PROZ: variants seen among roughly 807,000 people sequenced by gnomAD.
PROZ encodes protein Z, vitamin K dependent plasma glycoprotein.
Under a neutral mutation model 34.9 loss-of-function variants are expected in PROZ, and 46 were observed. That is an observed-to-expected ratio of 1.32 (90% confidence interval 1.04 to 1.69). The LOEUF is 1.69. PROZ is among the 40% of genes most tolerant of loss of function. The pLI is 0.00. For synonymous variants in PROZ, 195 were observed against 208.5 expected (o/e 0.94, Z 0.56); for missense variants, 530 against 520.4 (o/e 1.02, Z -0.18).
chr13:113,171,462 C>A lies in PROZ; in HGVS notation c.692-132C>A. 9.1e-7 allele frequency: 1 copy of A among 1,093,110 alleles called. No individual in the cohort carries two copies. Among genetic ancestry groups the A allele is most frequent in the Non-Finnish European group, 1.3e-6 (1 of 748,604 alleles). 67.7% of individuals were successfully genotyped at this position (1,093,110 alleles called of 1,614,324 possible). ...GCAGAAAGGCACAGTGTCCACACCACGGGGCGGTGAGCCTGCGGGTCCTCC... is the reference window on the plus strand; with the variant it reads ...GCAGAAAGGCACAGTGTCCACACCAAGGGGCGGTGAGCCTGCGGGTCCTCC... On this transcript the variant is annotated intron_variant, in intron 7 of 7. Transcript: ENST00000375547. This position sits in a 1 kb window ranked among gnomAD's most constrained non-coding sequence, Gnocchi z 5.1.
At chr13:113,162,905 C>T (rs1301491006) in intron 3 of PROZ, 104 bp from the exon 4 acceptor site, 3 of 544,686 alleles carry the variant, frequency 5.5e-6, no homozygotes, top group Admixed American at 5.2e-5. Context: ...CCCACTCCAT[C>T]CTCCTCCTGC....
Position 113,163,108 on chromosome 13 carries a change from G to A in PROZ, c.359G>A (p.Ser120Asn). 1 of 1,553,312 alleles carries A rather than the reference G, an allele frequency of 6.4e-7. No individual in the cohort carries two copies. The highest frequency in any genetic ancestry group is 2.4e-5 in the East Asian group (1 of 41,172). ...TCTCSPGYEG[S>N]NCELAKNECH... is the part of the protein sequence containing the mutation. ...ACCTGCTCCCCCGGCTATGAGGGCA[G>A]CAACTGCGAGCTGGGTGAGGCCCCG... Residue 120 changes from serine to asparagine, a missense_variant, in exon 4 of 8, where the codon AGC becomes AAC. Coordinates refer to ENST00000375547, the MANE Select transcript of PROZ (RefSeq NM_003891.3).
In PROZ at chr13:113,160,098, G is replaced by T; in HGVS notation, c.155G>T (p.Gly52Val). ...TATCTTCTGGAAGAACTCTTCGAGG[G>T]AAACTTGGAAAAAGAATGTTATGAA... ...GSYLLEELFE[G>V]NLEKECYEEI... Residue 52 changes from glycine (G) to valine (V), a missense_variant, in exon 2 of 8, where the codon GGA becomes GTA. Transcript: ENST00000375547. 6.2e-7 allele frequency: 1 copy of T among 1,614,146 alleles called. No individual in the cohort carries two copies. The highest frequency in any genetic ancestry group is 1.7e-5 in the Admixed American group (1 of 60,032).
chr13:113,159,109 G>A lies in PROZ; in HGVS notation c.70+379G>A. On this transcript the variant is annotated intron_variant, in intron 1 of 7. Coordinates refer to ENST00000375547, the MANE Select transcript of PROZ (RefSeq NM_003891.3). This position sits in a 1 kb window ranked among gnomAD's most constrained non-coding sequence, Gnocchi z 4.6. The stretch of plus-strand genomic sequence containing the variant: ...CTGCAATGTGGGCAGAGAGAGCCTT[G>A]GCCAGGCCAGCCAGGAATGCCCAGT... The A allele has an allele frequency of 9.3e-7, 1 of 1,073,736 alleles. No homozygotes were observed. Among genetic ancestry groups the A allele is most frequent in the East Asian group, 2.6e-5 (1 of 38,634 alleles). The allele number at this position is 1,073,736 out of a possible 1,614,324, so 66.5% of individuals were successfully genotyped here.
intron 4 of PROZ, among the ~76,000 whole-genome samples, chr13:113,163,587 A>G (rs1209550745): frequency 6.6e-6 from 1 of 152,128 alleles, no homozygotes; most frequent in East Asian, 1.9e-4. Flanking sequence ...CCACTGGTCA[A>G]CTTGGAGCCC....
intron 5 of PROZ, 188 bp from the exon 6 acceptor site, chr13:113,164,865 T>A: frequency 1.1e-6 from 1 of 932,416 alleles, no homozygotes. Context: ...AAACCATGAG[T>A]GCTGTGAGGG....
intron 4 of PROZ, 69 bp downstream of exon 4, chr13:113,163,191 A>G (rs2036797406): frequency 1.6e-6 from 2 of 1,287,484 alleles, no homozygotes; most frequent in South Asian, 2.5e-5. Context: ...CCTCGGCCAG[A>G]GTCCCAATGG....
At position 113,171,947 on chromosome 13, in the gene PROZ, ATGCAC is replaced by A; in HGVS notation, c.1048_1052del (p.His350AspfsTer45). ...CTGTGAGAGAAGCAGCGTGGCGGCC[ATGCAC>A]TGGATGGATGGAAGTGTGGTCACCA... On this transcript the variant is annotated frameshift_variant, in exon 8 of 8. Coordinates refer to ENST00000375547, the MANE Select transcript of PROZ (RefSeq NM_003891.3). LOFTEE classifies it low-confidence loss of function (END_TRUNC). This position sits in a 1 kb window ranked among gnomAD's most constrained non-coding sequence, Gnocchi z 5.1. 6.2e-7 allele frequency: 1 copy of A among 1,613,676 alleles called. No individual in the cohort carries two copies. Among genetic ancestry groups the A allele is most frequent in the Non-Finnish European group, 8.5e-7 (1 of 1,180,032 alleles).
chr13:113,166,550 A>T (rs1390596953), intron 6 of PROZ: 2 of 152,208 alleles, frequency 1.3e-5, no homozygotes, highest in African/African-American at 4.8e-5. Flanking sequence ...AACAGGATGG[A>T]GCTCAAGGAC....
chr13:113,171,878 G>A lies in PROZ; in HGVS notation c.976G>A (p.Glu326Lys). ...GCCTGTCACACTTGTGGAGGGGGAG[G>A]AGTGCGGGCAGGTCCTGAATGTGAC... Reference protein sequence around the residue: ...TRPVTLVEGEECGQVLNVTVT... With the variant: ...TRPVTLVEGEKCGQVLNVTVT... Residue 326 changes from glutamate (E) to lysine (K), a missense_variant, in exon 8 of 8, where the codon GAG becomes AAG. Physicochemically the swap from Glu to Lys is moderately conservative, Grantham distance 56. Coordinates refer to ENST00000375547, the MANE Select transcript of PROZ (RefSeq NM_003891.3). The surrounding 1 kb of genome is among the most constrained non-coding windows in gnomAD (Gnocchi z 5.1). 6.2e-7 allele frequency: 1 copy of A among 1,613,712 alleles called. No individual in the cohort carries two copies. The highest frequency in any genetic ancestry group is 8.5e-7 in the Non-Finnish European group (1 of 1,180,048).
At position 113,160,154 on chromosome 13, in the gene PROZ, G is replaced by A. The variant is rs932977735; in HGVS notation, c.211G>A (p.Val71Met). Residue 71 changes from valine (V) to methionine (M), a missense_variant, in exon 2 of 8, where the codon GTG becomes ATG. Val to Met is a conservative substitution (Grantham distance 21). Coordinates refer to ENST00000375547, the MANE Select transcript of PROZ (RefSeq NM_003891.3). ...CTGTGTCTATGAAGAAGCAAGAGAAGTGTTTGAAAATGAAGTAGTCACTGT... is the reference window on the plus strand; with the variant it reads ...CTGTGTCTATGAAGAAGCAAGAGAAATGTTTGAAAATGAAGTAGTCACTGT... ...EICVYEEARE[V>M]FENEVVTDEF... The A allele has an allele frequency of 1.2e-6, 2 of 1,614,178 alleles. No homozygotes were observed. The highest frequency in any genetic ancestry group is 1.7e-6 in the Non-Finnish European group (2 of 1,180,038).
Position 113,171,307 on chromosome 13 carries a change from A to G in PROZ, c.692-287A>G, listed in dbSNP as rs2037103750. ...GACTGGCCTGGAGACGTTCCACATC[A>G]CTGCTTCCTGCTTTTTAATCATTTC... is the stretch of plus-strand genomic sequence containing the variant. On this transcript the variant is annotated intron_variant, in intron 7 of 7. Transcript: ENST00000375547. The surrounding 1 kb of genome is among the most constrained non-coding windows in gnomAD (Gnocchi z 5.1). Among the ~76,000 whole-genome samples, 1 of 152,146 alleles carries G rather than the reference A, an allele frequency of 6.6e-6. No individual in the cohort carries two copies.
chr13:113,170,334 A>G, intron 6 of PROZ, 79 bp from the exon 7 acceptor site: 1 of 864,990 alleles, frequency 1.2e-6, no homozygotes. Flanking sequence ...GGTGGTCCAT[A>G]TCCCTATCCA....
At chr13:113,164,946 G>A (rs2036878581) in intron 5 of PROZ, 107 bp from the exon 6 acceptor site, 4 of 1,134,584 alleles carry the variant, frequency 3.5e-6, no homozygotes, top group Non-Finnish European at 5.2e-6. Context: ...AGATTATAAT[G>A]GTTAGTACCA....
intron 4 of PROZ, 103 bp from the exon 5 acceptor site, chr13:113,164,410 C>T: frequency 7.5e-7 from 1 of 1,327,046 alleles, no homozygotes; most frequent in Non-Finnish European, 1.1e-6. Flanking sequence ...GTGTGCAAGG[C>T]TGTGATAAAA....
At chr13:113,164,119 ACAGG>A (rs2036841646) in intron 4 of PROZ, among the ~76,000 whole-genome samples, 1 of 152,026 alleles carries the variant, frequency 6.6e-6, no homozygotes, top group Non-Finnish European at 1.5e-5. Flanking sequence ...AACTGGGACT[ACAGG>A]CACGCGCCAC....
At position 113,164,645 on chromosome 13, in the gene PROZ, G is replaced by T; in HGVS notation, c.505+1G>T. 1 of 1,613,606 alleles carries T rather than the reference G, an allele frequency of 6.2e-7. No individual in the cohort carries two copies. Among genetic ancestry groups the T allele is most frequent in the Non-Finnish European group, 8.5e-7 (1 of 1,179,968 alleles). On this transcript the variant is annotated splice_donor_variant, in intron 5 of 7. Transcript: ENST00000375547. LOFTEE classifies it high-confidence loss of function. ...GACCACAAACAGTGTGTGCCCCACG[G>T]TGAGTGCTCAGACCACAGCGGCCTC... is the stretch of plus-strand genomic sequence containing the variant.
chr13:113,171,196 T>C lies in PROZ; in HGVS notation c.692-398T>C, dbSNP rs1435055313. Among the ~76,000 whole-genome samples, 2 of 152,200 alleles carry C rather than the reference T, an allele frequency of 1.3e-5. No homozygotes were observed. Among genetic ancestry groups the C allele is most frequent in the African/African-American group, 4.8e-5 (2 of 41,452 alleles). ...CCTCGGCCTCCCGAAGCGCTGGGATTACAGATGTGAGCCACTGTGCCTGGC... is the reference window on the plus strand; with the variant it reads ...CCTCGGCCTCCCGAAGCGCTGGGATCACAGATGTGAGCCACTGTGCCTGGC... On this transcript the variant is annotated intron_variant, in intron 7 of 7. Coordinates refer to ENST00000375547, the MANE Select transcript of PROZ (RefSeq NM_003891.3). The surrounding 1 kb of genome is among the most constrained non-coding windows in gnomAD (Gnocchi z 5.1).
rs74944450 is a variant in PROZ at position 113,161,738 on chromosome 13, C to T, written c.259+766C>T. On this transcript the variant is annotated intron_variant, in intron 3 of 7. Coordinates refer to ENST00000375547, the MANE Select transcript of PROZ (RefSeq NM_003891.3). The stretch of plus-strand genomic sequence containing the variant: ...GGAGCAGCATGAGCAGGCTCAGTCC[C>T]CATTCCTGCCACCCCCTGCCCCCCC... Among the ~76,000 whole-genome samples, 2,338 of 151,666 alleles carry T rather than the reference C, an allele frequency of 0.015. 198 individuals carry two copies. In the East Asian group the frequency reaches 0.21, roughly 14 times the overall value.
Sources: gnomAD v4.1 joint callset for allele counts (sites outside exome capture counted in the v4.1 genomes callset) on GRCh38, gnomAD v4.1.1 for gene constraint, Gnocchi (gnomAD v3.1) non-coding constraint, MANE v1.5 for transcripts, NCBI Gene and HGNC (gene_info 2026-07-23, HGNC 2026-07-21) for gene names.